CCDC85A: variants seen among roughly 807,000 people sequenced by gnomAD.
CCDC85A encodes coiled-coil domain containing 85A, also known as coiled-coil domain-containing protein 85A.
Under a neutral mutation model 50.2 loss-of-function variants are expected in CCDC85A, and 38 were observed. The ratio of observed to expected loss-of-function variants is 0.76; its 90% CI spans 0.58 to 0.99. The LOEUF (loss-of-function observed/expected upper bound fraction) is 0.99, where lower values mean the gene tolerates loss of function less well. Among genes scored for constraint, CCDC85A ranks in the 50% least tolerant of loss-of-function variants. CCDC85A has a pLI of 0.00. For missense variants in CCDC85A, 820 were observed against 742.0 expected (o/e 1.11, Z -1.22); for synonymous variants, 366 against 301.4 (o/e 1.21, Z -2.22).
chr2:56,265,200 C>T (rs769394895), intron 2 of CCDC85A, among the ~76,000 whole-genome samples: 1 of 152,102 alleles, frequency 6.6e-6, no homozygotes, highest in Non-Finnish European at 1.5e-5. Context: ...AAGGACAAGC[C>T]AGAGAAAAGA....
At chr2:56,332,420 G>C (rs1304877156) in intron 2 of CCDC85A, among the ~76,000 whole-genome samples, 1 of 152,218 alleles carries the variant, frequency 6.6e-6, no homozygotes, top group Non-Finnish European at 1.5e-5. Flanking sequence ...CCCATAGGCA[G>C]TGCCTGCCAT....
In CCDC85A at chr2:56,296,195, C is replaced by A. The variant is rs577343176; in HGVS notation, c.1241-46684C>A. Among the ~76,000 whole-genome samples, 73 of 152,134 alleles carry A rather than the reference C, an allele frequency of 4.8e-4. 2 individuals are homozygous for A. The highest frequency in any genetic ancestry group is 5.2e-4 in the Admixed American group (8 of 15,268). Reference sequence around the variant, plus strand: ...CAATATTTCCCACTTATAGAAGCTTCTAAATATGTGTTTGATGGCCTGGGT... The same window carrying A: ...CAATATTTCCCACTTATAGAAGCTTATAAATATGTGTTTGATGGCCTGGGT... On this transcript the variant is annotated intron_variant, in intron 2 of 5. Coordinates refer to ENST00000407595, the MANE Select transcript of CCDC85A (RefSeq NM_001080433.2).
At chr2:56,234,868 C>T (rs1361692058) in intron 2 of CCDC85A, among the ~76,000 whole-genome samples, 2 of 152,168 alleles carry the variant, frequency 1.3e-5, no homozygotes, top group Non-Finnish European at 2.9e-5. Flanking sequence ...ATAATTACCA[C>T]ATTATGAAAG....
intron 2 of CCDC85A, among the ~76,000 whole-genome samples, chr2:56,213,788 C>G (rs1396084798): frequency 6.6e-6 from 1 of 151,922 alleles, no homozygotes; most frequent in Admixed American, 6.6e-5. Context: ...TCCCTTGCCT[C>G]AACTCAGGCA....
chr2:56,227,381 A>G (rs1668585793), intron 2 of CCDC85A, among the ~76,000 whole-genome samples: 1 of 152,192 alleles, frequency 6.6e-6, no homozygotes, highest in African/African-American at 2.4e-5. Flanking sequence ...AAATAATTCA[A>G]GGTTTTATGC....
intron 2 of CCDC85A, among the ~76,000 whole-genome samples, chr2:56,274,516 C>T (rs553635607): frequency 6.6e-6 from 1 of 152,298 alleles, no homozygotes; most frequent in East Asian, 1.9e-4. Flanking sequence ...CAGGAAACCT[C>T]AGTCTTTGCT....
intron 2 of CCDC85A, among the ~76,000 whole-genome samples, chr2:56,208,385 AT>A (rs2103870836): frequency 6.6e-6 from 1 of 152,272 alleles, no homozygotes; most frequent in South Asian, 2.1e-4. Flanking sequence ...ACACATCCAG[AT>A]ATACACATCA....
At chr2:56,232,261 C>G (rs1213412229) in intron 2 of CCDC85A, among the ~76,000 whole-genome samples, 1 of 152,106 alleles carries the variant, frequency 6.6e-6, no homozygotes, top group East Asian at 1.9e-4. Context: ...TGCCCAAAAC[C>G]AGACTCTGGA....
chr2:56,327,453 A>G (rs1426637675), intron 2 of CCDC85A, among the ~76,000 whole-genome samples: 3 of 152,140 alleles, frequency 2.0e-5, no homozygotes, highest in African/African-American at 7.2e-5. Context: ...AAAATGCCCC[A>G]ATAAAATAAC....
In CCDC85A at chr2:56,384,854, T is replaced by C. The variant is rs945725930; in HGVS notation, c.*499T>C. ...TGGGCATTTACCTCTTACACTTCAG[T>C]CAACAAACAAACTAGTAATTCCTAA... On this transcript the variant is annotated 3_prime_UTR_variant, in exon 6 of 6. Transcript: ENST00000407595. The C allele has an allele frequency of 1.3e-5, 2 of 152,510 alleles. No homozygotes were observed. Among genetic ancestry groups the C allele is most frequent in the Non-Finnish European group, 2.9e-5 (2 of 68,074 alleles). The allele number at this position is 152,510 out of a possible 1,614,324, so 9.4% of individuals were successfully genotyped here. A position where few individuals can be genotyped will look rare whatever the true frequency, so the allele number is the denominator to read the frequency against.
At chr2:56,228,653 C>T (rs1389384209) in intron 2 of CCDC85A, among the ~76,000 whole-genome samples, 1 of 152,124 alleles carries the variant, frequency 6.6e-6, no homozygotes, top group African/African-American at 2.4e-5. Flanking sequence ...CTGCCTCAGC[C>T]TCCCGAGTAG....
intron 2 of CCDC85A, among the ~76,000 whole-genome samples, chr2:56,307,436 C>T (rs188123366): frequency 9.2e-5 from 14 of 152,164 alleles, no homozygotes; most frequent in East Asian, 5.8e-4. Context: ...GTGCCTAACC[C>T]AGTGATAGGA....
intron 2 of CCDC85A, among the ~76,000 whole-genome samples, chr2:56,220,635 G>T (rs751862684): frequency 2.6e-5 from 4 of 151,982 alleles, no homozygotes; most frequent in Non-Finnish European, 5.9e-5. Flanking sequence ...AGGAAGCTTT[G>T]TACTTCATTA....
chr2:56,301,867 A>G (rs944649991), intron 2 of CCDC85A, among the ~76,000 whole-genome samples: 2 of 152,184 alleles, frequency 1.3e-5, no homozygotes, highest in African/African-American at 4.8e-5. Flanking sequence ...GCAGGGCTTA[A>G]AACCTGGATG....
intron 3 of CCDC85A, among the ~76,000 whole-genome samples, chr2:56,367,399 C>G (rs1047363476): frequency 6.6e-6 from 1 of 152,118 alleles, no homozygotes; most frequent in Non-Finnish European, 1.5e-5. Context: ...CTTTCAAGCT[C>G]CAAATCCTGT....
intron 2 of CCDC85A, among the ~76,000 whole-genome samples, chr2:56,325,128 C>T (rs892184498): frequency 1.3e-5 from 2 of 151,922 alleles, no homozygotes; most frequent in African/African-American, 4.8e-5. Context: ...TAATACAGCA[C>T]ATAATATTTC....
At chr2:56,278,406 C>T (rs1183061392) in intron 2 of CCDC85A, among the ~76,000 whole-genome samples, 1 of 151,926 alleles carries the variant, frequency 6.6e-6, no homozygotes, top group African/African-American at 2.4e-5. Flanking sequence ...TCATGCATGT[C>T]CCAGAGCTTT....
At chr2:56,351,674 C>A (rs1314070188) in intron 3 of CCDC85A, among the ~76,000 whole-genome samples, 2 of 146,078 alleles carry the variant, frequency 1.4e-5, no homozygotes, top group African/African-American at 2.6e-5. Context: ...CTGTTCATGT[C>A]CTTTGCCCAC....
At chr2:56,345,365 A>G (rs1419902953) in intron 3 of CCDC85A, among the ~76,000 whole-genome samples, 1 of 152,218 alleles carries the variant, frequency 6.6e-6, no homozygotes, top group Non-Finnish European at 1.5e-5. Flanking sequence ...TACAAATGGG[A>G]AAACAATGTT....
Sources: gnomAD v4.1 joint callset for allele counts (sites outside exome capture counted in the v4.1 genomes callset) on GRCh38, gnomAD v4.1.1 for gene constraint, MANE v1.5 for transcripts, NCBI Gene and HGNC (gene_info 2026-07-23, HGNC 2026-07-21) for gene names.